SAMD4B: variants seen among roughly 807,000 people sequenced by gnomAD.
SAMD4B encodes sterile alpha motif domain containing 4B.
SAMD4B carries 5 observed loss-of-function variants against 74.5 expected under a neutral mutation model. The observed-to-expected ratio is 0.07, with a 90% CI of 0.04 to 0.14. SAMD4B has a LOEUF of 0.14. SAMD4B is among the 10% of genes least tolerant of loss of function. The pLI is 1.00. For missense variants in SAMD4B, 608 were observed against 921.8 expected (o/e 0.66, Z 4.41); for synonymous variants, 373 against 374.9 (o/e 1.00, Z 0.06).
chr19:39,388,927 C>T (rs748283748), downstream of SAMD4B: 1 of 1,613,472 alleles, frequency 6.2e-7, no homozygotes, highest in Non-Finnish European at 8.5e-7. Context: ...TCCCTTTCTA[C>T]CTCCCACCTT....
intron 1 of SAMD4B, chr19:39,350,606 G>A (rs1252002623): frequency 6.6e-6 from 1 of 152,288 alleles, no homozygotes; most frequent in Non-Finnish European, 1.5e-5. Flanking sequence ...TGCTGCCTCA[G>A]CCTCCTGAGT....
At chr19:39,386,287 T>C (rs758000253), downstream of SAMD4B, 1 of 1,614,172 alleles carries the variant, frequency 6.2e-7, no homozygotes, top group South Asian at 1.1e-5. This position sits in a 1 kb window ranked among gnomAD's most constrained non-coding sequence, Gnocchi z 6.1. Flanking sequence ...TCCTCACCAC[T>C]GCCACTCTTG....
chr19:39,380,149 C>A, intron 10 of SAMD4B, 65 bp downstream of exon 10: 1 of 1,225,696 alleles, frequency 8.2e-7, no homozygotes, highest in Non-Finnish European at 1.2e-6. Flanking sequence ...GCAGATCGTG[C>A]TTAGAGGGGT....
intron 2 of SAMD4B, among the ~76,000 whole-genome samples, chr19:39,354,959 G>A (rs758923340): frequency 9.2e-5 from 14 of 152,058 alleles, no homozygotes; most frequent in Non-Finnish European, 1.6e-4. Flanking sequence ...TGCAACCTCC[G>A]CCTCCCAGCT....
intron 1 of SAMD4B, chr19:39,352,478 C>T (rs1186548960): frequency 1.4e-5 from 2 of 147,260 alleles, no homozygotes; most frequent in African/African-American, 2.6e-5. Flanking sequence ...ATATCTGGCT[C>T]CTCTTTAGGG....
At chr19:39,366,016 C>A (rs1028602296) in intron 3 of SAMD4B, among the ~76,000 whole-genome samples, 1 of 151,942 alleles carries the variant, frequency 6.6e-6, no homozygotes, top group Non-Finnish European at 1.5e-5. Flanking sequence ...GCTTGGCCAA[C>A]ATAGTGAAAA....
chr19:39,390,387 CAA>C, downstream of SAMD4B: 3 of 1,142,902 alleles, frequency 2.6e-6, no homozygotes, highest in Non-Finnish European at 3.9e-6. Flanking sequence ...GGAGGGGTGA[CAA>C]ATGCTGGTTT....
intron 4 of SAMD4B, among the ~76,000 whole-genome samples, chr19:39,374,496 T>C (rs368114317): frequency 6.6e-6 from 1 of 152,206 alleles, no homozygotes; most frequent in Non-Finnish European, 1.5e-5. Flanking sequence ...ATGTTTAAGA[T>C]GGGACAGGTT....
Position 39,377,765 on chromosome 19 carries a change from C to G in SAMD4B, c.1385C>G (p.Ala462Gly). 6.2e-7 allele frequency: 1 copy of G among 1,613,652 alleles called. No homozygotes were observed. Among genetic ancestry groups the G allele is most frequent in the South Asian group, 1.1e-5 (1 of 91,044 alleles). ...APAPTDGSEP[A>G]PAPVADGDIP... is the part of the protein sequence containing the mutation. ...GCTCCCACTGATGGCAGTGAGCCTG[C>G]CCCGGCTCCCGTCGCCGACGGAGAC... Residue 462 changes from alanine to glycine, a missense_variant, in exon 8 of 14, where the codon GCC becomes GGC. Ala to Gly is a moderately conservative substitution (Grantham distance 60). This residue lies in a region of SAMD4B where 99 missense variants were observed against 112.1 expected (regional missense o/e 0.88). Transcript: ENST00000610417.
intron 1 of SAMD4B, chr19:39,350,264 G>A (rs1222493627): frequency 1.3e-5 from 2 of 152,124 alleles, no homozygotes; most frequent in African/African-American, 4.8e-5. Context: ...AAGCTTCATT[G>A]AGGAAGAAAC....
At position 39,375,404 on chromosome 19, in the gene SAMD4B, G is replaced by A. The variant is rs918518135; in HGVS notation, c.668-246G>A. On this transcript the variant is annotated intron_variant, in intron 4 of 13. Coordinates refer to ENST00000610417, the MANE Select transcript of SAMD4B (RefSeq NM_001384574.2). The surrounding 1 kb of genome is among the most constrained non-coding windows in gnomAD (Gnocchi z 4.1). ...GCTGTGGCAGTAATTCCTGCCAGGG[G>A]TGCTGGTGGCTTGAGCCAGCGGAAC... 6.6e-6 allele frequency among the ~76,000 whole-genome samples: 1 copy of A among 152,206 alleles called. No individual in the cohort carries two copies. Among genetic ancestry groups the A allele is most frequent in the East Asian group, 1.9e-4 (1 of 5,208 alleles).
chr19:39,361,796 C>T (rs934646814), intron 3 of SAMD4B, among the ~76,000 whole-genome samples: 102 of 144,840 alleles, frequency 7.0e-4, no homozygotes, highest in African/African-American at 2.3e-3. Context: ...TGGTGGTGGG[C>T]GCCTGTAGTC....
intron 1 of SAMD4B, among the ~76,000 whole-genome samples, chr19:39,343,981 G>GA (rs1555716081): frequency 1.5e-5 from 1 of 68,346 alleles, no homozygotes; most frequent in African/African-American, 6.8e-5. Flanking sequence ...AGGTTTTCAG[G>GA]ACCCCCCCCC....
downstream of SAMD4B, chr19:39,390,125 G>A (rs2078343294): frequency 6.2e-7 from 1 of 1,613,976 alleles, no homozygotes; most frequent in Admixed American, 1.7e-5. Flanking sequence ...TATCAGGGAG[G>A]CTATTGCAGT....
chr19:39,357,161 G>C, intron 3 of SAMD4B, 72 bp downstream of exon 3: 1 of 1,376,260 alleles, frequency 7.3e-7, no homozygotes, highest in Non-Finnish European at 9.9e-7. Context: ...TGGCTAAGAA[G>C]GTCAACCCAA....
At chr19:39,367,535 A>T (rs1165545632) in intron 3 of SAMD4B, among the ~76,000 whole-genome samples, 2 of 102,116 alleles carry the variant, frequency 2.0e-5, no homozygotes, top group Non-Finnish European at 1.8e-5. Context: ...TTTGAGACGG[A>T]GTCTCACTTT....
At position 39,385,283 on chromosome 19, in the gene SAMD4B, A is replaced by T; in HGVS notation, c.*1756A>T. ...TGGATGGGCCACCTCGTTTGGAATC[A>T]GCAGGGTGTCCCTCTCATGGGACCC... is the stretch of plus-strand genomic sequence containing the variant. On this transcript the variant is annotated 3_prime_UTR_variant, in exon 14 of 14. Transcript: ENST00000610417. 1 of 356,566 alleles carries T rather than the reference A, an allele frequency of 2.8e-6. No individual in the cohort carries two copies. The highest frequency in any genetic ancestry group is 5.0e-6 in the Non-Finnish European group (1 of 200,022). The allele number at this position is 356,566 out of a possible 1,614,324, so 22.1% of individuals were successfully genotyped here. A position where few individuals can be genotyped will look rare whatever the true frequency, so the allele number is the denominator to read the frequency against.
At chr19:39,366,684 C>T (rs2076979079) in intron 3 of SAMD4B, among the ~76,000 whole-genome samples, 1 of 152,174 alleles carries the variant, frequency 6.6e-6, no homozygotes, top group South Asian at 2.1e-4. Context: ...GGGCTACAGA[C>T]AGGGCATTTC....
Position 39,369,662 on chromosome 19 carries a change from C to T in SAMD4B, c.204C>T (p.Val68=). ...LESEANSAAI[V]SQWQQESKEK... ...TTCTTATCCCTTCTGTAGCCATCGT[C>T]AGCCAGTGGCAGCAGGAGTCCAAAG... The change falls in exon 4 of 14, where the codon GTC becomes GTT. Residue 68 remains valine, a synonymous_variant. Transcript: ENST00000610417. The T allele has an allele frequency of 6.2e-7, 1 of 1,613,770 alleles. No individual in the cohort carries two copies. The highest frequency in any genetic ancestry group is 8.5e-7 in the Non-Finnish European group (1 of 1,179,806).
Sources: gnomAD v4.1 joint callset for allele counts (sites outside exome capture counted in the v4.1 genomes callset) on GRCh38, gnomAD v4.1.1 for gene constraint, gnomAD v4.1.1 regional missense constraint, Gnocchi (gnomAD v3.1) non-coding constraint, MANE v1.5 for transcripts, NCBI Gene and HGNC (gene_info 2026-07-23, HGNC 2026-07-21) for gene names.